KAZN: variants seen among roughly 807,000 people sequenced by gnomAD.
KAZN encodes the protein kazrin, periplakin interacting protein.
A neutral mutation model predicts 87.4 loss-of-function variants in KAZN; 40 were observed. That is an observed-to-expected ratio of 0.46 (90% CI 0.36 to 0.60). KAZN has a LOEUF of 0.60. Ranked by LOEUF, KAZN falls within the 20% of genes least tolerant of loss-of-function variation. The pLI is 0.00. For missense variants in KAZN, 898 were observed against 1,073.9 expected (o/e 0.84, Z 2.29); for synonymous variants, 466 against 458.3 (o/e 1.02, Z -0.22).
intron 1 of KAZN, among the ~76,000 whole-genome samples, chr1:14,049,699 GTTC>G (rs1642229178): frequency 1.3e-5 from 2 of 151,582 alleles, no homozygotes; most frequent in South Asian, 4.2e-4. Context: ...CTTTCCTTCT[GTTC>G]TTCTTTCTGT....
chr1:15,045,889 T>A (rs1383064158), intron 4 of KAZN, among the ~76,000 whole-genome samples: 1 of 152,212 alleles, frequency 6.6e-6, no homozygotes, highest in Non-Finnish European at 1.5e-5. Flanking sequence ...TACCTCCACC[T>A]GGTCCTTCCC....
At chr1:14,602,435 G>T (rs998103044) in intron 1 of KAZN, among the ~76,000 whole-genome samples, 10 of 152,148 alleles carry the variant, frequency 6.6e-5, no homozygotes, top group African/African-American at 2.2e-4. Flanking sequence ...CTGCCTTTTG[G>T]GTCGGTGGGG....
At chr1:15,080,482 C>T (rs899536189) in intron 8 of KAZN, among the ~76,000 whole-genome samples, 4 of 152,054 alleles carry the variant, frequency 2.6e-5, no homozygotes, top group African/African-American at 9.7e-5. Context: ...TGGTGAGTGA[C>T]TGATAGGCTC....
At chr1:14,022,880 C>A (rs1316354595) in intron 1 of KAZN, among the ~76,000 whole-genome samples, 1 of 152,104 alleles carries the variant, frequency 6.6e-6, no homozygotes, top group Non-Finnish European at 1.5e-5. Flanking sequence ...GGGTTTAAAC[C>A]CCATTTCTAC....
chr1:14,241,770 CTG>C (rs1648956277), intron 2 of KAZN, among the ~76,000 whole-genome samples: 1 of 152,158 alleles, frequency 6.6e-6, no homozygotes, highest in African/African-American at 2.4e-5. Flanking sequence ...CAACTGGCCT[CTG>C]AAAGAAACTT....
At chr1:14,229,356 C>T (rs1275335448) in intron 2 of KAZN, among the ~76,000 whole-genome samples, 5 of 152,014 alleles carry the variant, frequency 3.3e-5, no homozygotes, top group African/African-American at 7.2e-5. Flanking sequence ...TCGAGTGCTT[C>T]GTGAAAATAT....
intron 2 of KAZN, among the ~76,000 whole-genome samples, chr1:14,502,572 G>A (rs1039702736): frequency 1.3e-5 from 2 of 152,050 alleles, no homozygotes; most frequent in African/African-American, 4.8e-5. Flanking sequence ...ACTCCTGGGG[G>A]CCTACCAAAA....
At chr1:14,886,592 G>A (rs1654094486) in intron 1 of KAZN, among the ~76,000 whole-genome samples, 1 of 152,158 alleles carries the variant, frequency 6.6e-6, no homozygotes, top group Non-Finnish European at 1.5e-5. Flanking sequence ...AGGAGTTTGA[G>A]ACCACTCTGA....
intron 1 of KAZN, among the ~76,000 whole-genome samples, chr1:14,041,798 C>T (rs1177035555): frequency 6.6e-6 from 1 of 152,228 alleles, no homozygotes; most frequent in Non-Finnish European, 1.5e-5. Context: ...TCTTGTATGA[C>T]TTTGCATGTC....
At chr1:14,364,385 G>A (rs977606374) in intron 2 of KAZN, among the ~76,000 whole-genome samples, 1 of 152,102 alleles carries the variant, frequency 6.6e-6, no homozygotes, top group African/African-American at 2.4e-5. Flanking sequence ...TACAACGATC[G>A]AATGGGATAA....
intron 2 of KAZN, among the ~76,000 whole-genome samples, chr1:14,514,950 G>A (rs1162494376): frequency 6.6e-6 from 1 of 152,030 alleles, no homozygotes; most frequent in Non-Finnish European, 1.5e-5. Flanking sequence ...AACAGTGGCT[G>A]GGACTTTTGC....
intron 2 of KAZN, among the ~76,000 whole-genome samples, chr1:15,026,138 G>A (rs1573099164): frequency 1.3e-5 from 2 of 152,228 alleles, no homozygotes; most frequent in East Asian, 1.9e-4. Context: ...CTTCCCCGGG[G>A]CTCTTTACTT....
chr1:14,558,682 A>C (rs1034935214), intron 2 of KAZN, among the ~76,000 whole-genome samples: 6 of 152,250 alleles, frequency 3.9e-5, no homozygotes, highest in South Asian at 4.2e-4. Flanking sequence ...GAGCGTTTGC[A>C]TATGGGAAGG....
intron 2 of KAZN, among the ~76,000 whole-genome samples, chr1:14,268,695 GA>G (rs1651691116): frequency 1.3e-5 from 2 of 152,160 alleles, no homozygotes; most frequent in South Asian, 4.1e-4. Context: ...CATGAAACCA[GA>G]ATTTGACCTG....
At chr1:15,016,784 G>A (rs184033414) in intron 2 of KAZN, among the ~76,000 whole-genome samples, 57 of 152,230 alleles carry the variant, frequency 3.7e-4, no homozygotes, top group Non-Finnish European at 6.8e-4. Context: ...TCCCTCTGCC[G>A]GAACATTCTT....
Position 14,186,264 on chromosome 1 carries a change from T to C in KAZN, c.249+5672T>C, listed in dbSNP as rs146178809. ...TTATGCTGGTCTAATAAGTGATGGT[T>C]CCTGTTACAGTAAGCAGGATACGAA... On this transcript the variant is annotated intron_variant, in intron 2 of 16. Transcript: ENST00000636203. Among the ~76,000 whole-genome samples, 477 of 152,298 alleles carry C rather than the reference T, an allele frequency of 3.1e-3. 1 individual carries two copies. Among genetic ancestry groups the C allele is most frequent in the African/African-American group, 0.011 (459 of 41,568 alleles).
intron 1 of KAZN, among the ~76,000 whole-genome samples, chr1:14,772,558 A>G (rs1235658254): frequency 6.6e-6 from 1 of 151,540 alleles, no homozygotes; most frequent in Non-Finnish European, 1.5e-5. Context: ...TCTTGGATCT[A>G]AGTGAAGAAG....
chr1:14,445,598 C>T (rs1232972111), intron 2 of KAZN, among the ~76,000 whole-genome samples: 1 of 152,144 alleles, frequency 6.6e-6, no homozygotes, highest in East Asian at 1.9e-4. Flanking sequence ...AGCCCCCCGA[C>T]TGTGGTATTT....
chr1:14,804,799 T>C (rs1420722409), intron 1 of KAZN, among the ~76,000 whole-genome samples: 1 of 151,460 alleles, frequency 6.6e-6, no homozygotes, highest in Non-Finnish European at 1.5e-5. Flanking sequence ...CGAGCTGTGG[T>C]CATAGCCAGG....
Sources: gnomAD v4.1 joint callset for allele counts (sites outside exome capture counted in the v4.1 genomes callset) on GRCh38, gnomAD v4.1.1 for gene constraint, MANE v1.5 for transcripts, NCBI Gene and HGNC (gene_info 2026-07-23, HGNC 2026-07-21) for gene names.